Variants in SCAI observed in about 807,000 individuals in gnomAD.
SCAI encodes the protein protein SCAI.
In SCAI, 24 loss-of-function variants were observed where a neutral mutation model predicts 92.2. The ratio of observed to expected loss-of-function variants is 0.26; its 90% CI spans 0.19 to 0.37. The LOEUF is 0.37. Among genes scored for constraint, SCAI ranks in the 10% least tolerant of loss-of-function variants. The probability of loss-of-function intolerance (pLI) is 1.00; values close to 1 mark genes in which losing one functional copy is unlikely to be tolerated. For missense variants in SCAI, 450 were observed against 736.2 expected (o/e 0.61, Z 4.50); for synonymous variants, 261 against 258.6 (o/e 1.01, Z -0.09).
intron 2 of SCAI, among the ~76,000 whole-genome samples, chr9:125,088,292 T>C (rs1286139799): frequency 1.3e-5 from 2 of 152,188 alleles, no homozygotes; most frequent in South Asian, 2.1e-4. Context: ...CCAAATCTCA[T>C]GTCGAATTGT....
chr9:125,127,627 G>A (rs1442806754), intron 2 of SCAI, among the ~76,000 whole-genome samples: 1 of 152,164 alleles, frequency 6.6e-6, no homozygotes, highest in East Asian at 1.9e-4. Context: ...GTGCTATACA[G>A]TCAATTAATG....
chr9:125,012,661 G>A (rs1365339050), intron 9 of SCAI, among the ~76,000 whole-genome samples: 1 of 152,052 alleles, frequency 6.6e-6, no homozygotes, highest in Admixed American at 6.6e-5. Flanking sequence ...ATTGAACTCA[G>A]CTCTGCACCA....
chr9:125,065,669 A>G (rs547314593), intron 2 of SCAI, among the ~76,000 whole-genome samples: 11 of 152,344 alleles, frequency 7.2e-5, no homozygotes, highest in African/African-American at 2.6e-4. Context: ...ACTAATGAGT[A>G]TAGATACAAA....
intron 2 of SCAI, among the ~76,000 whole-genome samples, chr9:125,118,858 T>C (rs1835104185): frequency 3.3e-5 from 5 of 152,236 alleles, no homozygotes; most frequent in African/African-American, 7.2e-5. Context: ...GCTTTATCCA[T>C]GTCCCTGCAA....
At chr9:125,090,915 G>A (rs918774777) in intron 2 of SCAI, among the ~76,000 whole-genome samples, 1 of 152,108 alleles carries the variant, frequency 6.6e-6, no homozygotes. Context: ...TCAAGAGATC[G>A]AGACCATCCT....
chr9:124,962,938 A>G lies in SCAI; in HGVS notation c.1674+8432T>C, dbSNP rs553211003. ...CTCAGCCTCCTGAGTAGCCGGGATT[A>G]CAGGTGCATGCCACCACAGATGGCT... is the stretch of plus-strand genomic sequence containing the variant. On this transcript the variant is annotated intron_variant, in intron 17 of 17. Coordinates refer to ENST00000336505, the MANE Select transcript of SCAI (RefSeq NM_001144877.3). Among the ~76,000 whole-genome samples the G allele has an allele frequency of 4.0e-5, 6 of 151,042 alleles. No individual in the cohort carries two copies. In the East Asian group the frequency reaches 1.2e-3, roughly 30 times the overall value.
At chr9:125,096,807 A>G (rs1244391904) in intron 2 of SCAI, among the ~76,000 whole-genome samples, 1 of 152,230 alleles carries the variant, frequency 6.6e-6, no homozygotes, top group Non-Finnish European at 1.5e-5. Context: ...TTGCATAATC[A>G]AACATGTGGT....
chr9:125,039,385 C>CAAAAA (rs58716034), intron 3 of SCAI, among the ~76,000 whole-genome samples: 54 of 45,738 alleles, frequency 1.2e-3, no homozygotes, highest in African/African-American at 1.3e-3. Flanking sequence ...GACTCCATCT[C>CAAAAA]AAAAAAAAAA....
At chr9:125,118,140 T>G (rs144158579) in intron 2 of SCAI, among the ~76,000 whole-genome samples, 1 of 151,962 alleles carries the variant, frequency 6.6e-6, no homozygotes, top group East Asian at 1.9e-4. Context: ...CATAGTGAAC[T>G]AAACACTTAA....
At chr9:125,124,943 T>C (rs1835229523) in intron 2 of SCAI, among the ~76,000 whole-genome samples, 1 of 152,226 alleles carries the variant, frequency 6.6e-6, no homozygotes, top group Admixed American at 6.5e-5. Context: ...CCTCCCAATC[T>C]GTGTGGGAGG....
At chr9:125,080,385 A>C in intron 2 of SCAI, among the ~76,000 whole-genome samples, 1 of 152,218 alleles carries the variant, frequency 6.6e-6, no homozygotes, top group East Asian at 1.9e-4. Context: ...TCTGATCCCG[A>C]GTTATCCCAG....
At chr9:125,027,257 C>A (rs764706316) in intron 5 of SCAI, among the ~76,000 whole-genome samples, 41 of 152,252 alleles carry the variant, frequency 2.7e-4, no homozygotes, top group Non-Finnish European at 4.1e-4. Flanking sequence ...AGTCCTTTGG[C>A]CCATTTCTTT....
chr9:124,976,299 T>G, intron 14 of SCAI, 113 bp from the exon 15 acceptor site: 1 of 699,928 alleles, frequency 1.4e-6, no homozygotes. Context: ...AACTCATAAA[T>G]AGATGCAGAA....
At chr9:125,097,219 G>C (rs1201364390) in intron 2 of SCAI, among the ~76,000 whole-genome samples, 1 of 152,180 alleles carries the variant, frequency 6.6e-6, no homozygotes, top group African/African-American at 2.4e-5. Flanking sequence ...GATCACTTGA[G>C]GTCAGAAGTT....
At chr9:125,108,593 C>T (rs1344744620) in intron 2 of SCAI, among the ~76,000 whole-genome samples, 5 of 118,020 alleles carry the variant, frequency 4.2e-5, no homozygotes, top group South Asian at 5.6e-4. Flanking sequence ...CCCCTCCGCC[C>T]GGCAGCCGCC....
intron 15 of SCAI, 47 bp from the exon 16 acceptor site, chr9:124,971,891 G>T: frequency 1.7e-6 from 2 of 1,177,224 alleles, no homozygotes; most frequent in Non-Finnish European, 2.3e-6. Context: ...TTTTGCAAAA[G>T]ATAAGAGATA....
rs1352750279 is a variant in SCAI at position 125,032,775 on chromosome 9, G to A, written c.231-3036C>T. On this transcript the variant is annotated intron_variant, in intron 3 of 17. Coordinates refer to ENST00000336505, the MANE Select transcript of SCAI (RefSeq NM_001144877.3). ...ATTACAGGCGCCCGTCACCACGCCC[G>A]GTTAATTTTTGTATTTTTTTAAGTA... Among the ~76,000 whole-genome samples, 5 of 151,444 alleles carry A rather than the reference G, an allele frequency of 3.3e-5. No homozygotes were observed. In the East Asian group the frequency reaches 7.8e-4, roughly 24 times the overall value.
chr9:124,946,267 ATAT>A lies in SCAI; in HGVS notation c.*6537_*6539del, dbSNP rs1831144095. ...AGAAATAATAAATTACCAAATTTTA[ATAT>A]TTATTCAAGAAAAATGCTGTTATAA... On this transcript the variant is annotated 3_prime_UTR_variant, in exon 18 of 18. Transcript: ENST00000336505. The surrounding 1 kb of genome is among the most constrained non-coding windows in gnomAD (Gnocchi z 4.0). The A allele has an allele frequency of 6.6e-6, 1 of 152,220 alleles. No homozygotes were observed. The allele number at this position is 152,220 out of a possible 1,614,324, so 9.4% of individuals were successfully genotyped here.
intron 2 of SCAI, among the ~76,000 whole-genome samples, chr9:125,106,872 T>G (rs978893159): frequency 1.3e-5 from 2 of 150,498 alleles, no homozygotes; most frequent in African/African-American, 4.9e-5. Flanking sequence ...GGTTAATTTT[T>G]TTTTTTTTTT....
Sources: gnomAD v4.1 joint callset for allele counts (sites outside exome capture counted in the v4.1 genomes callset) on GRCh38, gnomAD v4.1.1 for gene constraint, Gnocchi (gnomAD v3.1) non-coding constraint, MANE v1.5 for transcripts, NCBI Gene and HGNC (gene_info 2026-07-23, HGNC 2026-07-21) for gene names.